Variants in UNC5C observed in about 807,000 individuals in gnomAD.
The protein encoded by UNC5C is netrin receptor UNC5C.
A neutral mutation model predicts 99.8 loss-of-function variants in UNC5C; 47 were observed. The ratio of observed to expected loss-of-function variants is 0.47; its 90% CI spans 0.37 to 0.60. UNC5C has a LOEUF of 0.60. Among genes scored for constraint, UNC5C ranks in the 20% least tolerant of loss-of-function variants. The probability of loss-of-function intolerance (pLI) is 0.00; values close to 1 mark genes in which losing one functional copy is unlikely to be tolerated. For synonymous variants in UNC5C, 487 were observed against 452.2 expected (o/e 1.08, Z -0.98); for missense variants, 1,062 against 1,165.9 (o/e 0.91, Z 1.30).
At chr4:95,209,718 C>G (rs960386494) in intron 10 of UNC5C, among the ~76,000 whole-genome samples, 8 of 152,162 alleles carry the variant, frequency 5.3e-5, no homozygotes, top group Admixed American at 2.6e-4. Context: ...TTCTTCCAGT[C>G]TGAAATTCAT....
At chr4:95,236,448 G>A (rs1739118190) in intron 7 of UNC5C, among the ~76,000 whole-genome samples, 1 of 141,484 alleles carries the variant, frequency 7.1e-6, no homozygotes, top group Admixed American at 7.0e-5. Flanking sequence ...TTGGGGGAGG[G>A]GGGAGGGATA....
chr4:95,525,483 T>C (rs1469561003), intron 1 of UNC5C, among the ~76,000 whole-genome samples: 1 of 147,124 alleles, frequency 6.8e-6, no homozygotes, highest in African/African-American at 2.5e-5. Context: ...TCCCACAAGA[T>C]AAAAAGATGT....
At chr4:95,324,142 T>C (rs1742802361) in intron 2 of UNC5C, among the ~76,000 whole-genome samples, 1 of 152,186 alleles carries the variant, frequency 6.6e-6, no homozygotes, top group Admixed American at 6.5e-5. Context: ...CAGGGACCAG[T>C]ACTGGAACCG....
intron 1 of UNC5C, among the ~76,000 whole-genome samples, chr4:95,497,469 G>T (rs768899359): frequency 6.6e-6 from 1 of 151,866 alleles, no homozygotes; most frequent in African/African-American, 2.4e-5. Context: ...TTTATTCAAT[G>T]ATCATTCACC....
chr4:95,548,637 G>T, intron 1 of UNC5C, 97 bp downstream of exon 1: 1 of 1,432,672 alleles, frequency 7.0e-7, no homozygotes, highest in Non-Finnish European at 9.3e-7. Context: ...AAGCAACGAG[G>T]CAAATTGAGG....
At chr4:95,484,024 T>C (rs1217685013) in intron 1 of UNC5C, among the ~76,000 whole-genome samples, 3 of 151,758 alleles carry the variant, frequency 2.0e-5, no homozygotes, top group African/African-American at 7.3e-5. Context: ...TGAGGTCACA[T>C]TCCAGTAGGA....
intron 1 of UNC5C, among the ~76,000 whole-genome samples, chr4:95,401,733 G>T (rs1023118641): frequency 6.6e-6 from 1 of 152,182 alleles, no homozygotes; most frequent in Non-Finnish European, 1.5e-5. Flanking sequence ...ATAACAAGTA[G>T]CCCAGAGCCC....
At chr4:95,487,200 G>T (rs1207437591) in intron 1 of UNC5C, among the ~76,000 whole-genome samples, 1 of 151,782 alleles carries the variant, frequency 6.6e-6, no homozygotes, top group Non-Finnish European at 1.5e-5. Context: ...TCTCCTTGAG[G>T]ATAAATAGAA....
rs1206067989 is a variant in UNC5C at position 95,335,753 on chromosome 4, T to C, written c.125-122A>G. On this transcript the variant is annotated intron_variant, in intron 1 of 15. Coordinates refer to ENST00000453304, the MANE Select transcript of UNC5C (RefSeq NM_003728.4). ...AATTAAGTGATTTGAATGCCTGCTG[T>C]GTGCCAGGCTGTATGTTAGATCTAT... 4 of 716,940 alleles carry C rather than the reference T, an allele frequency of 5.6e-6. No individual in the cohort carries two copies. In the African/African-American group the frequency reaches 7.2e-5, roughly 13 times the overall value. The allele number at this position is 716,940 out of a possible 1,614,324, so 44.4% of individuals were successfully genotyped here. A position where few individuals can be genotyped will look rare whatever the true frequency, so the allele number is the denominator to read the frequency against.
rs188947011 is a variant in UNC5C, at chr4:95,301,285, T to C, written c.490+321A>G. Among the ~76,000 whole-genome samples, 213 of 147,592 alleles carry C rather than the reference T, an allele frequency of 1.4e-3. 1 individual carries two copies. Among genetic ancestry groups the C allele is most frequent in the African/African-American group, 5.0e-3 (202 of 40,206 alleles). Reference sequence around the variant, plus strand: ...ATCTCGGCTCACTGCAAGCTCTGCCTCCTGGGTTCAGGCCATTCTCCTGCC... The same window carrying C: ...ATCTCGGCTCACTGCAAGCTCTGCCCCCTGGGTTCAGGCCATTCTCCTGCC... On this transcript the variant is annotated intron_variant, in intron 3 of 15. Coordinates refer to ENST00000453304, the MANE Select transcript of UNC5C (RefSeq NM_003728.4).
chr4:95,448,187 AAT>A, intron 1 of UNC5C, among the ~76,000 whole-genome samples: 3 of 124,528 alleles, frequency 2.4e-5, no homozygotes, highest in East Asian at 2.2e-4. Flanking sequence ...AAGTTTTGCT[AAT>A]GTGTGTGTCT....
At chr4:95,314,440 G>A (rs1358293433) in intron 2 of UNC5C, among the ~76,000 whole-genome samples, 2 of 152,146 alleles carry the variant, frequency 1.3e-5, no homozygotes, top group African/African-American at 4.8e-5. Flanking sequence ...AAGAATCAAA[G>A]TGCATAAGGT....
At chr4:95,219,960 G>A (rs1422555850) in intron 8 of UNC5C, 25 bp downstream of exon 8, 1 of 1,605,380 alleles carries the variant, frequency 6.2e-7, no homozygotes, top group African/African-American at 1.3e-5. Context: ...TAAGTAACAG[G>A]GTGTGAAGTG....
intron 4 of UNC5C, among the ~76,000 whole-genome samples, chr4:95,271,126 C>T (rs1236084539): frequency 6.6e-6 from 1 of 152,208 alleles, no homozygotes; most frequent in Non-Finnish European, 1.5e-5. Flanking sequence ...TTTTTGAAAA[C>T]CCTCCTGCTC....
chr4:95,492,924 A>G (rs1006701435), intron 1 of UNC5C, among the ~76,000 whole-genome samples: 1 of 151,516 alleles, frequency 6.6e-6, no homozygotes, highest in African/African-American at 2.4e-5. Flanking sequence ...GCATATATTG[A>G]GTAGTAAATA....
intron 12 of UNC5C, among the ~76,000 whole-genome samples, chr4:95,195,381 T>C (rs1206889004): frequency 1.3e-5 from 2 of 152,204 alleles, no homozygotes; most frequent in African/African-American, 4.8e-5. Flanking sequence ...GTTTTGTTGT[T>C]GGTCTCTAAT....
At chr4:95,493,659 TCTAA>T (rs1034953336) in intron 1 of UNC5C, among the ~76,000 whole-genome samples, 5 of 151,552 alleles carry the variant, frequency 3.3e-5, no homozygotes, top group African/African-American at 1.2e-4. Context: ...AGTACTCATT[TCTAA>T]CTGTGTACTG....
At chr4:95,308,676 T>C (rs1271246704) in intron 2 of UNC5C, among the ~76,000 whole-genome samples, 1 of 128,146 alleles carries the variant, frequency 7.8e-6, no homozygotes, top group African/African-American at 3.0e-5. Context: ...TGCTTGAACC[T>C]GAGAGGTGGA....
At position 95,325,509 on chromosome 4, in the gene UNC5C, A is replaced by AT. The variant is rs1742851272; in HGVS notation, c.346+9900dup. On this transcript the variant is annotated intron_variant, in intron 2 of 15. Transcript: ENST00000453304. ...AGTGAAGGATGAAGCTGAGATTTTA[A>AT]TTTTTGGTGCCTGGATGGAGAGAAG... is the stretch of plus-strand genomic sequence containing the variant. Among the ~76,000 whole-genome samples, 3 of 151,966 alleles carry AT rather than the reference A, an allele frequency of 2.0e-5. No individual in the cohort carries two copies. The South Asian group carries it at 6.3e-4, about 32-fold the overall frequency.
Sources: gnomAD v4.1 joint callset for allele counts (sites outside exome capture counted in the v4.1 genomes callset) on GRCh38, gnomAD v4.1.1 for gene constraint, MANE v1.5 for transcripts, NCBI Gene and HGNC (gene_info 2026-07-23, HGNC 2026-07-21) for gene names.